SLC25A13: variants seen among roughly 807,000 people sequenced by gnomAD.
SLC25A13 encodes the protein electrogenic aspartate/glutamate antiporter SLC25A13, mitochondrial.
Under a neutral mutation model 85.5 loss-of-function variants are expected in SLC25A13, and 70 were observed. The ratio of observed to expected loss-of-function variants is 0.82; its 90% CI spans 0.68 to 1.00. SLC25A13 has a LOEUF of 1.00. Among genes scored for constraint, SLC25A13 ranks in the 50% least tolerant of loss-of-function variants. The probability of loss-of-function intolerance (pLI) is 0.00; values close to 1 mark genes in which losing one functional copy is unlikely to be tolerated. For synonymous variants in SLC25A13, 259 were observed against 288.7 expected (o/e 0.90, Z 1.04); for missense variants, 765 against 819.8 (o/e 0.93, Z 0.82).
chr7:96,263,640 C>T (rs1045298641), intron 3 of SLC25A13, among the ~76,000 whole-genome samples: 4 of 152,108 alleles, frequency 2.6e-5, no homozygotes, highest in Non-Finnish European at 5.9e-5. Flanking sequence ...TCCCCTCTCA[C>T]CCCGTATTTT....
At chr7:96,315,923 C>T (rs1189732996) in intron 1 of SLC25A13, among the ~76,000 whole-genome samples, 3 of 151,770 alleles carry the variant, frequency 2.0e-5, no homozygotes, top group Non-Finnish European at 4.4e-5. Flanking sequence ...CAGCCCAAAG[C>T]CTGGGCGACA....
chr7:96,250,367 T>C (rs1188908408), intron 3 of SLC25A13, among the ~76,000 whole-genome samples: 1 of 152,194 alleles, frequency 6.6e-6, no homozygotes, highest in Non-Finnish European at 1.5e-5. Context: ...ACTTGAAGAA[T>C]AATGTGAACA....
At chr7:96,277,112 A>G (rs1223539282) in intron 3 of SLC25A13, 84 bp downstream of exon 3, 1 of 1,376,140 alleles carries the variant, frequency 7.3e-7, no homozygotes, top group African/African-American at 1.5e-5. Flanking sequence ...GAAGGTATAC[A>G]TTTAATGACT....
intron 2 of SLC25A13, among the ~76,000 whole-genome samples, chr7:96,294,034 T>C (rs993796880): frequency 8.5e-5 from 13 of 152,182 alleles, no homozygotes; most frequent in Admixed American, 2.6e-4. Context: ...CCAACCCAAA[T>C]GTCCATCAAT....
Position 96,189,680 on chromosome 7 carries a change from T to C in SLC25A13, c.755-6A>G, listed in dbSNP as rs747352641. 2 of 1,612,198 alleles carry C rather than the reference T, an allele frequency of 1.2e-6. No individual in the cohort carries two copies. The highest frequency in any genetic ancestry group is 3.3e-5 in the Admixed American group (2 of 59,994). On this transcript the variant is annotated splice_polypyrimidine_tract_variant and splice_region_variant and intron_variant, in intron 7 of 17. Coordinates refer to ENST00000265631, the MANE Select transcript of SLC25A13 (RefSeq NM_014251.3). ...AGCTGCCAGAACAAACTCCTCTGTA[T>C]GGAAGAAAAGTTAAAAGGGAAAGAT...
At chr7:96,141,027 T>A (rs1194806270) in intron 14 of SLC25A13, among the ~76,000 whole-genome samples, 1 of 148,958 alleles carries the variant, frequency 6.7e-6, no homozygotes, top group African/African-American at 2.5e-5. Context: ...TTCTTTTTTT[T>A]TTTTTTTTTT....
At position 96,225,379 on chromosome 7, in the gene SLC25A13, A is replaced by G. The variant is rs1276139348; in HGVS notation, c.328+9423T>C. Among the ~76,000 whole-genome samples, 3 of 152,060 alleles carry G rather than the reference A, an allele frequency of 2.0e-5. No individual in the cohort carries two copies. The East Asian group carries it at 5.8e-4, about 29-fold the overall frequency. On this transcript the variant is annotated intron_variant, in intron 4 of 17. Coordinates refer to ENST00000265631, the MANE Select transcript of SLC25A13 (RefSeq NM_014251.3). The stretch of plus-strand genomic sequence containing the variant: ...GGGCAACATAGTTAAACTCACCTTT[A>G]CGAAAATAAAAATAAAGTTAGCTGG...
chr7:96,263,023 T>C (rs928355914), intron 3 of SLC25A13, among the ~76,000 whole-genome samples: 1 of 44,462 alleles, frequency 2.2e-5, no homozygotes, highest in African/African-American at 8.0e-5. Flanking sequence ...TCCAACCATC[T>C]AGGAAAAAAA....
chr7:96,168,098 G>GGAAA (rs1793836839), intron 13 of SLC25A13, among the ~76,000 whole-genome samples: 3 of 19,724 alleles, frequency 1.5e-4, no homozygotes, highest in Non-Finnish European at 3.8e-4. Context: ...AACTCTGTCT[G>GGAAA]AAAAAAAAAA....
At chr7:96,312,677 G>A (rs1055298768) in intron 1 of SLC25A13, among the ~76,000 whole-genome samples, 7 of 152,144 alleles carry the variant, frequency 4.6e-5, no homozygotes, top group African/African-American at 1.7e-4. Context: ...TTTTAAAGCT[G>A]CTAAGTACTG....
At chr7:96,199,032 C>T (rs923203371) in intron 5 of SLC25A13, among the ~76,000 whole-genome samples, 34 of 152,150 alleles carry the variant, frequency 2.2e-4, no homozygotes, top group Admixed American at 2.6e-4. Flanking sequence ...ACAAGGAGAA[C>T]GTTTACTAAG....
intron 3 of SLC25A13, among the ~76,000 whole-genome samples, chr7:96,255,871 A>G (rs1797614616): frequency 6.6e-6 from 1 of 152,164 alleles, no homozygotes; most frequent in Admixed American, 6.6e-5. Context: ...ACTAACAGTG[A>G]ATCTCTCTGC....
At chr7:96,224,389 G>C (rs1796254138) in intron 4 of SLC25A13, among the ~76,000 whole-genome samples, 2 of 152,144 alleles carry the variant, frequency 1.3e-5, no homozygotes, top group South Asian at 2.1e-4. Flanking sequence ...GCCCGGCCCT[G>C]TCGTTGGTGC....
intron 3 of SLC25A13, among the ~76,000 whole-genome samples, chr7:96,245,956 G>C (rs1057166850): frequency 1.3e-5 from 2 of 152,206 alleles, no homozygotes; most frequent in Admixed American, 1.3e-4. Flanking sequence ...GGCAAATGAA[G>C]AAGGATAGTG....
At chr7:96,259,304 A>G (rs1797757499) in intron 3 of SLC25A13, among the ~76,000 whole-genome samples, 2 of 152,354 alleles carry the variant, frequency 1.3e-5, no homozygotes, top group South Asian at 4.1e-4. Flanking sequence ...AAATTTTGCA[A>G]TTTATCCATC....
At chr7:96,248,948 G>A (rs1162298706) in intron 3 of SLC25A13, among the ~76,000 whole-genome samples, 2 of 152,000 alleles carry the variant, frequency 1.3e-5, no homozygotes, top group Admixed American at 6.6e-5. Context: ...TTGTATAAAC[G>A]GTAGTGACTG....
chr7:96,194,469 G>GAAA (rs1794986209), intron 5 of SLC25A13, among the ~76,000 whole-genome samples: 1 of 50,126 alleles, frequency 2.0e-5, no homozygotes. Context: ...AAAAAAAAAG[G>GAAA]AACACCAACA....
At chr7:96,319,267 G>T (rs891069019) in intron 1 of SLC25A13, among the ~76,000 whole-genome samples, 1 of 152,074 alleles carries the variant, frequency 6.6e-6, no homozygotes, top group South Asian at 2.1e-4. Flanking sequence ...GAAACTGCTC[G>T]GCTGGGCGTG....
chr7:96,242,164 T>G (rs1797022968), intron 3 of SLC25A13, among the ~76,000 whole-genome samples: 1 of 152,182 alleles, frequency 6.6e-6, no homozygotes, highest in Non-Finnish European at 1.5e-5. Flanking sequence ...GCCAAGCAAT[T>G]GTCCAGGGTC....
Sources: allele counts gnomAD v4.1 joint callset (sites outside exome capture counted in the v4.1 genomes callset), GRCh38; gene constraint gnomAD v4.1.1; transcripts MANE v1.5; gene names NCBI Gene and HGNC (gene_info 2026-07-23, HGNC 2026-07-21).